MYO6: variants seen among roughly 807,000 people sequenced by gnomAD.
MYO6 encodes the protein myosin VI.
MYO6 carries 74 observed loss-of-function variants against 178.7 expected under a neutral mutation model. The ratio of observed to expected loss-of-function variants is 0.41; its 90% CI spans 0.34 to 0.50. MYO6 has a LOEUF of 0.50. Ranked by LOEUF, MYO6 falls within the 20% of genes least tolerant of loss-of-function variation. The pLI is 0.09. For synonymous variants in MYO6, 477 were observed against 504.6 expected (o/e 0.95, Z 0.73); for missense variants, 1,330 against 1,547.4 (o/e 0.86, Z 2.36).
chr6:75,813,530 C>G (rs1770902662), intron 1 of MYO6, among the ~76,000 whole-genome samples: 1 of 152,294 alleles, frequency 6.6e-6, no homozygotes, highest in Non-Finnish European at 1.5e-5. Flanking sequence ...TTAACCCACT[C>G]TGGCTGAGCT....
chr6:75,769,579 A>G (rs1334710405), intron 1 of MYO6, among the ~76,000 whole-genome samples: 2 of 152,232 alleles, frequency 1.3e-5, no homozygotes, highest in Admixed American at 6.5e-5. Flanking sequence ...GGTCTCGGGC[A>G]GCTCCACTCC....
At chr6:75,786,279 A>C (rs1767559076) in intron 1 of MYO6, among the ~76,000 whole-genome samples, 1 of 152,260 alleles carries the variant, frequency 6.6e-6, no homozygotes, top group South Asian at 2.1e-4. Context: ...CTGTCTGTTC[A>C]TGCACTATTA....
At chr6:75,866,429 A>G (rs2149311281) in intron 16 of MYO6, 97 bp from the exon 17 acceptor site, 2 of 962,536 alleles carry the variant, frequency 2.1e-6, no homozygotes, top group South Asian at 1.4e-5. Context: ...AATTTCCTGT[A>G]TAATTTTAAG....
At chr6:75,805,791 A>C (rs189374950) in intron 1 of MYO6, among the ~76,000 whole-genome samples, 17 of 152,326 alleles carry the variant, frequency 1.1e-4, no homozygotes, top group African/African-American at 4.1e-4. Context: ...AATAATTCTT[A>C]TTATTTTTTT....
rs1384820252 is a variant in MYO6 at position 75,915,736 on chromosome 6, T to C, written c.*724T>C. 1 of 152,654 alleles carries C rather than the reference T, an allele frequency of 6.6e-6. No homozygotes were observed. The highest frequency in any genetic ancestry group is 1.9e-4 in the East Asian group (1 of 5,200). 9.5% of individuals were successfully genotyped at this position (152,654 alleles called of 1,614,324 possible). On this transcript the variant is annotated 3_prime_UTR_variant, in exon 35 of 35. Coordinates refer to ENST00000369977, the MANE Select transcript of MYO6 (RefSeq NM_004999.4). ...TATTCTGTGGAAAAATAAAGGAAAT[T>C]CAGATTGTTTAAATGCCTAAAAGTT...
At chr6:75,787,726 C>CTA (rs1562158559) in intron 1 of MYO6, among the ~76,000 whole-genome samples, 11 of 20,456 alleles carry the variant, frequency 5.4e-4, no homozygotes, top group Admixed American at 7.2e-4. Flanking sequence ...CTCTCTCTCT[C>CTA]TCTCTATATA....
intron 10 of MYO6, among the ~76,000 whole-genome samples, chr6:75,845,448 T>TTTG (rs1472465592): frequency 1.3e-5 from 2 of 152,112 alleles, no homozygotes; most frequent in African/African-American, 4.8e-5. Context: ...ATCCCAGCAC[T>TTTG]TTGGGAGGCC....
Position 75,880,028 on chromosome 6 carries a change from A to C in MYO6, c.2209-15A>C, listed in dbSNP as rs1430226486. On this transcript the variant is annotated splice_polypyrimidine_tract_variant and intron_variant, in intron 21 of 34. Transcript: ENST00000369977. ...TTAATAATTGACATTTAACTTTTTA[A>C]CTTTTATTTTTCAGGCTTTGTTTAA... The C allele has an allele frequency of 1.2e-6, 2 of 1,613,436 alleles. No individual in the cohort carries two copies. Among genetic ancestry groups the C allele is most frequent in the Admixed American group, 3.3e-5 (2 of 59,998 alleles).
At chr6:75,763,973 T>A (rs1778173116) in intron 1 of MYO6, among the ~76,000 whole-genome samples, 1 of 152,216 alleles carries the variant, frequency 6.6e-6, no homozygotes, top group Non-Finnish European at 1.5e-5. Flanking sequence ...CACTCAACAG[T>A]GACTACTCTG....
chr6:75,814,456 G>A (rs1771008382), intron 1 of MYO6, among the ~76,000 whole-genome samples: 1 of 152,162 alleles, frequency 6.6e-6, no homozygotes, highest in African/African-American at 2.4e-5. Flanking sequence ...TGGTGTTCCT[G>A]AAGGGGAAGT....
chr6:75,853,456 A>G (rs938298719), intron 11 of MYO6, among the ~76,000 whole-genome samples: 3 of 152,132 alleles, frequency 2.0e-5, no homozygotes, highest in Non-Finnish European at 4.4e-5. Context: ...TAACAGTTTA[A>G]TAGCTTTAGC....
Position 75,772,452 on chromosome 6 carries a change from C to T in MYO6, c.-48+23029C>T, listed in dbSNP as rs567155682. ...ATTAGAAAACTCTCCATTTTGAGTG[C>T]TTGGTTAGGTTTTAATATAAAGGAA... On this transcript the variant is annotated intron_variant, in intron 1 of 34. Transcript: ENST00000369977. Among the ~76,000 whole-genome samples, 5 of 152,170 alleles carry T rather than the reference C, an allele frequency of 3.3e-5. No homozygotes were observed. In the East Asian group the frequency reaches 9.6e-4, roughly 29 times the overall value.
intron 1 of MYO6, among the ~76,000 whole-genome samples, chr6:75,769,843 T>C (rs1778767030): frequency 6.6e-6 from 1 of 152,078 alleles, no homozygotes; most frequent in Non-Finnish European, 1.5e-5. Context: ...GAGGTTTCAG[T>C]GAGCTGAGAT....
chr6:75,755,949 CT>C (rs1263700272), intron 1 of MYO6, among the ~76,000 whole-genome samples: 1 of 152,216 alleles, frequency 6.6e-6, no homozygotes, highest in African/African-American at 2.4e-5. Context: ...TTAAAGGCTA[CT>C]GCATGACTTA....
chr6:75,777,791 G>A (rs955281879), intron 1 of MYO6, among the ~76,000 whole-genome samples: 1 of 151,926 alleles, frequency 6.6e-6, no homozygotes, highest in Non-Finnish European at 1.5e-5. Flanking sequence ...ATTCATTTTA[G>A]TTTAGCTTAT....
chr6:75,857,988 A>G (rs976617898), intron 13 of MYO6, among the ~76,000 whole-genome samples: 17 of 151,976 alleles, frequency 1.1e-4, no homozygotes, highest in African/African-American at 4.1e-4. Context: ...TTGGGGAGGG[A>G]TGGAGTTTTG....
intron 1 of MYO6, among the ~76,000 whole-genome samples, chr6:75,756,926 C>T (rs568295142): frequency 1.8e-4 from 26 of 141,608 alleles, no homozygotes; most frequent in Non-Finnish European, 2.6e-4. Flanking sequence ...TATATATACA[C>T]ACCATATATA....
At chr6:75,763,894 C>T (rs1295966010) in intron 1 of MYO6, among the ~76,000 whole-genome samples, 1 of 152,066 alleles carries the variant, frequency 6.6e-6, no homozygotes, top group African/African-American at 2.4e-5. Flanking sequence ...ATACTTATTT[C>T]CTGTAGTTAA....
At chr6:75,847,310 A>T (rs982154282) in intron 10 of MYO6, among the ~76,000 whole-genome samples, 3 of 152,138 alleles carry the variant, frequency 2.0e-5, no homozygotes, top group Non-Finnish European at 4.4e-5. Context: ...TGGAAAGACA[A>T]TTATAGCTTG....
Sources: allele counts gnomAD v4.1 joint callset (sites outside exome capture counted in the v4.1 genomes callset), GRCh38; gene constraint gnomAD v4.1.1; transcripts MANE v1.5; gene names NCBI Gene and HGNC (gene_info 2026-07-23, HGNC 2026-07-21).